The following KCND3 variants were observed in gnomAD, a reference collection of about 807,000 sequenced individuals.
The protein encoded by KCND3 is potassium voltage-gated channel subfamily D member 3, also known as A-type voltage-gated potassium channel KCND3.
In KCND3, 9 loss-of-function variants were observed where a neutral mutation model predicts 51.1. That is an observed-to-expected ratio of 0.18 (90% CI 0.11 to 0.31). KCND3 has a LOEUF of 0.31. Ranked by LOEUF, KCND3 falls within the 10% of genes least tolerant of loss-of-function variation. The probability of loss-of-function intolerance (pLI) is 1.00; values close to 1 mark genes in which losing one functional copy is unlikely to be tolerated. For missense variants in KCND3, 526 were observed against 903.8 expected, an observed-to-expected ratio of 0.58 and a Z score of 5.36; for synonymous variants, 349 against 368.0, an observed-to-expected ratio of 0.95 and a Z score of 0.59.
At position 111,982,212 on chromosome 1, in the gene KCND3, G is replaced by A; in HGVS notation, c.515C>T (p.Ala172Val). The A allele has an allele frequency of 6.2e-7, 1 of 1,614,016 alleles. No homozygotes were observed. Among genetic ancestry groups the A allele is most frequent in the Non-Finnish European group, 8.5e-7 (1 of 1,180,000 alleles). ...CGTGCTGGTGTGGGGGTTCTCGAAG[G>A]CCCGCCACATGGTCTGGCGGAAGCT... ...SLSFRQTMWR[A>V]FENPHTSTLA... The change falls in exon 2 of 8, where the codon GCC becomes GTC. Residue 172 changes from alanine to valine, a missense_variant. Physicochemically the swap from Ala to Val is moderately conservative, Grantham distance 64. This residue lies in a region of KCND3 where 159 missense variants were observed against 262.8 expected (regional missense o/e 0.61). Coordinates refer to ENST00000302127, the MANE Select transcript of KCND3 (RefSeq NM_001378969.1). This position sits in a 1 kb window ranked among gnomAD's most constrained non-coding sequence, Gnocchi z 8.5.
chr1:111,948,622 C>T (rs1376876042), intron 2 of KCND3, among the ~76,000 whole-genome samples: 6 of 152,164 alleles, frequency 3.9e-5, no homozygotes, highest in Admixed American at 2.0e-4. Flanking sequence ...TAAAAACCCT[C>T]GGACCAATTA....
At chr1:111,823,495 A>C (rs1666439975) in intron 2 of KCND3, among the ~76,000 whole-genome samples, 2 of 152,050 alleles carry the variant, frequency 1.3e-5, no homozygotes, top group Non-Finnish European at 1.5e-5. Flanking sequence ...GCTGCTCTCT[A>C]TCTTTGCTCC....
chr1:111,866,267 T>TC (rs1553249283), intron 2 of KCND3, among the ~76,000 whole-genome samples: 773 of 61,402 alleles, frequency 0.013, 2 homozygotes, highest in Non-Finnish European at 0.026. Context: ...TCTTTTCTTT[T>TC]TTTTTTTTTT....
chr1:111,943,022 A>G (rs1024919789), intron 2 of KCND3, among the ~76,000 whole-genome samples: 4 of 152,124 alleles, frequency 2.6e-5, no homozygotes, highest in African/African-American at 9.7e-5. Context: ...AGGAGGAGGC[A>G]CTCATGGGGA....
At chr1:111,944,644 C>T (rs1557736242) in intron 2 of KCND3, among the ~76,000 whole-genome samples, 1 of 152,244 alleles carries the variant, frequency 6.6e-6, no homozygotes, top group Non-Finnish European at 1.5e-5. Flanking sequence ...GATCTGTTCA[C>T]GTGTCATCTC....
At position 111,815,122 on chromosome 1, in the gene KCND3, C is replaced by T. The variant is rs1666027734; in HGVS notation, c.1107-28016G>A. Reference sequence around the variant, plus strand: ...GGGAAACAAGGTGGTCTGTCTGAATCCTCAGAGCCTTGGTGGTAGAACCTG... The same window carrying T: ...GGGAAACAAGGTGGTCTGTCTGAATTCTCAGAGCCTTGGTGGTAGAACCTG... On this transcript the variant is annotated intron_variant, in intron 2 of 7. Coordinates refer to ENST00000302127, the MANE Select transcript of KCND3 (RefSeq NM_001378969.1). 2.6e-5 allele frequency among the ~76,000 whole-genome samples: 4 copies of T among 152,160 alleles called. No homozygotes were observed. In the South Asian group the frequency reaches 6.2e-4, roughly 24 times the overall value.
At chr1:111,905,178 C>G (rs1670588400) in intron 2 of KCND3, among the ~76,000 whole-genome samples, 1 of 152,214 alleles carries the variant, frequency 6.6e-6, no homozygotes, top group Non-Finnish European at 1.5e-5. Flanking sequence ...CACTCCAGAG[C>G]AGGCCCAGGT....
chr1:111,837,591 C>T (rs951662873), intron 2 of KCND3, among the ~76,000 whole-genome samples: 2 of 152,144 alleles, frequency 1.3e-5, no homozygotes, highest in Non-Finnish European at 2.9e-5. Flanking sequence ...GAGACTCCCA[C>T]GTGGTCTAGG....
chr1:111,915,629 T>G (rs1314286010), intron 2 of KCND3, among the ~76,000 whole-genome samples: 2 of 151,578 alleles, frequency 1.3e-5, no homozygotes, highest in Non-Finnish European at 2.9e-5. Flanking sequence ...GGTGGGCGCC[T>G]GTAGTCCCAG....
intron 2 of KCND3, among the ~76,000 whole-genome samples, chr1:111,900,911 C>T (rs1449081997): frequency 6.6e-6 from 1 of 151,230 alleles, no homozygotes; most frequent in Admixed American, 6.6e-5. Flanking sequence ...GAGCCGAGAT[C>T]ACACCATTGC....
chr1:111,967,477 G>C (rs986905548), intron 2 of KCND3, among the ~76,000 whole-genome samples: 49 of 152,184 alleles, frequency 3.2e-4, no homozygotes, highest in Admixed American at 2.0e-4. Flanking sequence ...TGTGGGCGAG[G>C]CTGTTGACCT....
At chr1:111,887,444 G>C (rs1669620109) in intron 2 of KCND3, among the ~76,000 whole-genome samples, 1 of 152,082 alleles carries the variant, frequency 6.6e-6, no homozygotes, top group African/African-American at 2.4e-5. Flanking sequence ...GGTGAGAGAG[G>C]AGAGAAAAAA....
intron 2 of KCND3, among the ~76,000 whole-genome samples, chr1:111,904,220 G>C (rs923627759): frequency 6.6e-6 from 1 of 151,638 alleles, no homozygotes; most frequent in African/African-American, 2.4e-5. Context: ...AGGCTCAGTT[G>C]CCCTGGGCTC....
At chr1:111,812,632 C>T (rs1045502751) in intron 2 of KCND3, among the ~76,000 whole-genome samples, 2 of 152,198 alleles carry the variant, frequency 1.3e-5, no homozygotes, top group East Asian at 3.9e-4. Flanking sequence ...CTTATCATCC[C>T]CATTTTACAG....
intron 2 of KCND3, among the ~76,000 whole-genome samples, chr1:111,972,234 G>C (rs1321082145): frequency 1.3e-5 from 2 of 148,342 alleles, no homozygotes; most frequent in African/African-American, 5.0e-5. Context: ...GTGCAGTGGC[G>C]GGATCTCGGC....
rs549509743 is a variant in KCND3 at position 111,982,965 on chromosome 1, C to T, written c.-72-167G>A. Among the ~76,000 whole-genome samples the T allele has an allele frequency of 6.6e-6, 1 of 152,292 alleles. No homozygotes were observed. Among genetic ancestry groups the T allele is most frequent in the African/African-American group, 2.4e-5 (1 of 41,564 alleles). Reference sequence around the variant, plus strand: ...GAGAGGGGACTTGATTCTTTGCCATCCAGACACTGGGAGAACACCTAGCTC... The same window carrying T: ...GAGAGGGGACTTGATTCTTTGCCATTCAGACACTGGGAGAACACCTAGCTC... On this transcript the variant is annotated intron_variant, in intron 1 of 7. Transcript: ENST00000302127. This position sits in a 1 kb window ranked among gnomAD's most constrained non-coding sequence, Gnocchi z 8.5.
At chr1:111,906,563 A>G (rs1265859870) in intron 2 of KCND3, among the ~76,000 whole-genome samples, 1 of 152,182 alleles carries the variant, frequency 6.6e-6, no homozygotes, top group Non-Finnish European at 1.5e-5. Flanking sequence ...TTCCTGTCTT[A>G]TCAAGCCAAA....
chr1:111,988,432 T>A (rs1315309276), intron 1 of KCND3, among the ~76,000 whole-genome samples: 2 of 151,592 alleles, frequency 1.3e-5, no homozygotes, highest in Admixed American at 1.3e-4. Flanking sequence ...CTCTGGGGGG[T>A]CCCTTGTATA....
intron 2 of KCND3, among the ~76,000 whole-genome samples, chr1:111,963,599 C>A (rs1673791489): frequency 6.6e-6 from 1 of 152,206 alleles, no homozygotes; most frequent in South Asian, 2.1e-4. Context: ...AACAGACAGT[C>A]CTGCCAAGGT....
Sources: gnomAD v4.1 joint callset for allele counts (sites outside exome capture counted in the v4.1 genomes callset) on GRCh38, gnomAD v4.1.1 for gene constraint, gnomAD v4.1.1 regional missense constraint, Gnocchi (gnomAD v3.1) non-coding constraint, MANE v1.5 for transcripts, NCBI Gene and HGNC (gene_info 2026-07-23, HGNC 2026-07-21) for gene names.